PIK3CB: variants seen among roughly 807,000 people sequenced by gnomAD.
PIK3CB encodes the protein phosphatidylinositol-4,5-bisphosphate 3-kinase catalytic subunit beta.
A neutral mutation model predicts 136.8 loss-of-function variants in PIK3CB; 39 were observed. The observed-to-expected ratio is 0.29, with a 90% CI of 0.22 to 0.37. PIK3CB has a LOEUF of 0.37. Among genes scored for constraint, PIK3CB ranks in the 10% least tolerant of loss-of-function variants. PIK3CB has a pLI of 1.00. For synonymous variants in PIK3CB, 428 were observed against 436.6 expected, an observed-to-expected ratio of 0.98 and a Z score of 0.25; for missense variants, 868 against 1,275.4, an observed-to-expected ratio of 0.68 and a Z score of 4.87.
chr3:138,682,650 G>A (rs2043806017), intron 18 of PIK3CB, among the ~76,000 whole-genome samples: 1 of 152,170 alleles, frequency 6.6e-6, no homozygotes, highest in African/African-American at 2.4e-5. Context: ...TCATGTCTAA[G>A]GGTATTTTCA....
intron 2 of PIK3CB, chr3:138,778,418 G>C: frequency 9.9e-6 from 3 of 304,162 alleles, no homozygotes; most frequent in Non-Finnish European, 2.0e-5. Context: ...TGGTGCAATG[G>C]CTTTCCAGAA....
At chr3:138,717,967 G>C (rs145972251) in intron 8 of PIK3CB, among the ~76,000 whole-genome samples, 141 of 152,192 alleles carry the variant, frequency 9.3e-4, no homozygotes, top group African/African-American at 3.3e-3. Context: ...CCACATCTTT[G>C]CAATTGTGAA....
At chr3:138,748,779 T>C (rs1250751148) in intron 4 of PIK3CB, among the ~76,000 whole-genome samples, 1 of 152,228 alleles carries the variant, frequency 6.6e-6, no homozygotes, top group Non-Finnish European at 1.5e-5. Context: ...GTTTTTGTTT[T>C]GGATACTTGA....
intron 8 of PIK3CB, among the ~76,000 whole-genome samples, chr3:138,717,530 T>TG (rs200219090): frequency 1.8e-5 from 2 of 108,644 alleles, no homozygotes; most frequent in East Asian, 4.4e-3. Flanking sequence ...AAATTTTTTG[T>TG]GGTTTTTTTT....
chr3:138,710,384 A>G (rs1020518890), intron 10 of PIK3CB, among the ~76,000 whole-genome samples: 1 of 152,216 alleles, frequency 6.6e-6, no homozygotes, highest in African/African-American at 2.4e-5. Context: ...TTTTCAGGTG[A>G]CAACTGCTAG....
intron 8 of PIK3CB, among the ~76,000 whole-genome samples, chr3:138,730,100 T>C (rs2044937756): frequency 1.3e-5 from 2 of 152,142 alleles, no homozygotes; most frequent in Non-Finnish European, 2.9e-5. Context: ...CAAATTCAAC[T>C]ATATAATCCT....
chr3:138,707,343 T>TA (rs34660347), intron 10 of PIK3CB, 54 bp from the exon 11 acceptor site: 7 of 1,548,012 alleles, frequency 4.5e-6, no homozygotes, highest in Non-Finnish European at 6.1e-6. Flanking sequence ...AACTAGGCTT[T>TA]AAAAAAGCTG....
In PIK3CB at chr3:138,734,358, C is replaced by T. The variant is rs1405470939; in HGVS notation, c.972+276G>A. 2.6e-5 allele frequency among the ~76,000 whole-genome samples: 4 copies of T among 152,236 alleles called. No homozygotes were observed. The East Asian group carries it at 7.7e-4, about 29-fold the overall frequency. The stretch of plus-strand genomic sequence containing the variant: ...ATGTCTCCAATTACTCATTGAAGTC[C>T]TATATTTAAATCAAAATCTCTAATT... On this transcript the variant is annotated intron_variant, in intron 7 of 23. Coordinates refer to ENST00000674063, the MANE Select transcript of PIK3CB (RefSeq NM_006219.3).
At chr3:138,748,479 C>T (rs192260561) in intron 4 of PIK3CB, among the ~76,000 whole-genome samples, 102 of 152,240 alleles carry the variant, frequency 6.7e-4, no homozygotes, top group Non-Finnish European at 1.1e-3. Context: ...TCTCTGTTCT[C>T]ATCTGAGTGG....
At chr3:138,825,785 C>A in intron 1 of PIK3CB, 1 of 860,382 alleles carries the variant, frequency 1.2e-6, no homozygotes, top group Non-Finnish European at 1.9e-6. Context: ...GTCACCTTTG[C>A]TCCAGTCAAT....
At chr3:138,657,652 T>A (rs2043215681) in intron 22 of PIK3CB, 38 bp downstream of exon 22, 3 of 1,581,702 alleles carry the variant, frequency 1.9e-6, no homozygotes, top group Non-Finnish European at 2.6e-6. Flanking sequence ...TAAGAAAATG[T>A]TAGAAGTGTT....
intron 13 of PIK3CB, among the ~76,000 whole-genome samples, chr3:138,696,401 G>T (rs1278278368): frequency 6.6e-6 from 1 of 151,562 alleles, no homozygotes; most frequent in East Asian, 2.0e-4. Flanking sequence ...TATGTTGCTG[G>T]TCTCAAATTC....
chr3:138,829,652 T>C (rs1933937811), intron 1 of PIK3CB, among the ~76,000 whole-genome samples: 1 of 152,108 alleles, frequency 6.6e-6, no homozygotes, highest in Non-Finnish European at 1.5e-5. Context: ...CCGGGCGTGG[T>C]GGCGTGCGCC....
Position 138,777,193 on chromosome 3 carries a change from C to T in PIK3CB, c.-16-17834G>A, listed in dbSNP as rs79815091. 5.1e-4 allele frequency among the ~76,000 whole-genome samples: 77 copies of T among 152,282 alleles called. No individual in the cohort carries two copies. In the East Asian group the frequency reaches 0.011, roughly 23 times the overall value. On this transcript the variant is annotated intron_variant, in intron 2 of 23. Coordinates refer to ENST00000674063, the MANE Select transcript of PIK3CB (RefSeq NM_006219.3). ...ATGTGTCCCTCATGGACCTGACCTGCCATCTGGAGAGACCTGCCAAATGTG... is the reference window on the plus strand; with the variant it reads ...ATGTGTCCCTCATGGACCTGACCTGTCATCTGGAGAGACCTGCCAAATGTG...
At chr3:138,825,642 C>T (rs1933746881) in intron 1 of PIK3CB, 3 of 637,416 alleles carry the variant, frequency 4.7e-6, no homozygotes, top group South Asian at 1.9e-5. Flanking sequence ...AAGCTCTGGA[C>T]TGCATCCTAC....
At chr3:138,659,937 G>A (rs561943694) in intron 21 of PIK3CB, among the ~76,000 whole-genome samples, 4 of 137,716 alleles carry the variant, frequency 2.9e-5, no homozygotes, top group Non-Finnish European at 4.5e-5. Context: ...GTGCAGTGGC[G>A]TGATTTCAGC....
intron 2 of PIK3CB, among the ~76,000 whole-genome samples, chr3:138,790,161 C>G (rs1238369279): frequency 6.6e-6 from 1 of 151,996 alleles, no homozygotes; most frequent in Non-Finnish European, 1.5e-5. Context: ...GAAAATAGAA[C>G]AGTGGTTTCT....
intron 2 of PIK3CB, among the ~76,000 whole-genome samples, chr3:138,785,825 TAAAAA>T (rs1039124528): frequency 8.5e-6 from 1 of 117,170 alleles, no homozygotes; most frequent in Non-Finnish European, 1.8e-5. Context: ...AATAAATACT[TAAAAA>T]AAAAAAAAAA....
In PIK3CB at chr3:138,733,343, A is replaced by C. The variant is rs763992992; in HGVS notation, c.1050+18T>G. On this transcript the variant is annotated intron_variant, in intron 8 of 23. Coordinates refer to ENST00000674063, the MANE Select transcript of PIK3CB (RefSeq NM_006219.3). Reference sequence around the variant, plus strand: ...ATACTGGAGCGGATGGCAAATTCAAATCTTAGTGGGTACTCACTTTTACAG... The same window carrying C: ...ATACTGGAGCGGATGGCAAATTCAACTCTTAGTGGGTACTCACTTTTACAG... 7.9e-7 allele frequency: 1 copy of C among 1,263,332 alleles called. No individual in the cohort carries two copies. Among genetic ancestry groups the C allele is most frequent in the Admixed American group, 1.8e-5 (1 of 54,754 alleles). 78.3% of individuals were successfully genotyped at this position (1,263,332 alleles called of 1,614,324 possible).
Sources: allele counts gnomAD v4.1 joint callset (sites outside exome capture counted in the v4.1 genomes callset), GRCh38; gene constraint gnomAD v4.1.1; transcripts MANE v1.5; gene names NCBI Gene and HGNC (gene_info 2026-07-23, HGNC 2026-07-21).